Variants in EHF observed in about 807,000 individuals in gnomAD.
EHF encodes the protein ETS homologous factor, also known as ESE3 transcription factor.
A neutral mutation model predicts 45.1 loss-of-function variants in EHF; 14 were observed. The observed-to-expected ratio is 0.31, with a 90% CI of 0.21 to 0.49. The LOEUF is 0.49. Ranked by LOEUF, EHF falls within the 20% of genes least tolerant of loss-of-function variation. EHF has a pLI of 0.99. For synonymous variants in EHF, 136 were observed against 131.8 expected (o/e 1.03, Z -0.22); for missense variants, 282 against 371.4 (o/e 0.76, Z 1.98).
chr11:34,631,676 G>A (rs975824931), intron 1 of EHF: 2 of 622,410 alleles, frequency 3.2e-6, no homozygotes, highest in Non-Finnish European at 4.0e-6. Context: ...TGTGGTCCGG[G>A]AACCAGGGGT....
chr11:34,654,441 G>A (rs531603786), intron 6 of EHF, among the ~76,000 whole-genome samples: 227 of 152,312 alleles, frequency 1.5e-3, no homozygotes, highest in Admixed American at 6.9e-3. Context: ...GTGATTCCAC[G>A]GCTTACCCCT....
chr11:34,625,375 T>C (rs1296134396), intron 1 of EHF, among the ~76,000 whole-genome samples: 1 of 152,208 alleles, frequency 6.6e-6, no homozygotes, highest in African/African-American at 2.4e-5. Flanking sequence ...TACTGGTGTC[T>C]TCTATAAAAC....
chr11:34,655,289 C>T (rs972646062), intron 6 of EHF, among the ~76,000 whole-genome samples: 7 of 152,170 alleles, frequency 4.6e-5, no homozygotes, highest in African/African-American at 1.7e-4. Flanking sequence ...TTGCTGGGAA[C>T]ACTGAGTCTT....
In EHF at chr11:34,663,131, T is replaced by C. The variant is rs1856186444; in HGVS notation, c.*4200T>C. ...TGTGGAAACAACTCTATTGCTACTA[T>C]TTAAAAAAAATCAGAAATCTTTCCC... is the stretch of plus-strand genomic sequence containing the variant. On this transcript the variant is annotated 3_prime_UTR_variant, in exon 9 of 9. Transcript: ENST00000257831. 6.6e-6 allele frequency among the ~76,000 whole-genome samples: 1 copy of C among 152,150 alleles called. No individual in the cohort carries two copies. Among genetic ancestry groups the C allele is most frequent in the South Asian group, 2.1e-4 (1 of 4,832 alleles).
intron 1 of EHF, among the ~76,000 whole-genome samples, chr11:34,626,703 A>G (rs545393416): frequency 1.3e-5 from 2 of 152,288 alleles, no homozygotes; most frequent in East Asian, 3.9e-4. Context: ...GGGTCAAGGA[A>G]TGTTGATGGA....
intron 1 of EHF, among the ~76,000 whole-genome samples, chr11:34,631,189 G>A (rs1479410220): frequency 6.6e-6 from 1 of 152,056 alleles, no homozygotes; most frequent in African/African-American, 2.4e-5. Context: ...ATGCCACCAT[G>A]CCTGGCTAAT....
chr11:34,651,615 C>G lies in EHF; in HGVS notation c.475+5C>G, dbSNP rs760744435. On this transcript the variant is annotated splice_donor_5th_base_variant and intron_variant, in intron 5 of 8. Coordinates refer to ENST00000257831, the MANE Select transcript of EHF (RefSeq NM_012153.6). ...CCAACTATGGTAGCACAGTAGGTAACTAACTCCCTGACACTTAAGGCCCTT... is the reference window on the plus strand; with the variant it reads ...CCAACTATGGTAGCACAGTAGGTAAGTAACTCCCTGACACTTAAGGCCCTT... The G allele has an allele frequency of 6.2e-7, 1 of 1,613,276 alleles. No homozygotes were observed. Among genetic ancestry groups the G allele is most frequent in the Non-Finnish European group, 8.5e-7 (1 of 1,179,250 alleles).
intron 3 of EHF, among the ~76,000 whole-genome samples, chr11:34,648,561 G>T (rs1284592129): frequency 6.6e-6 from 1 of 152,094 alleles, no homozygotes; most frequent in African/African-American, 2.4e-5. Context: ...GAAGAATCAA[G>T]CTAGTTAAAA....
At chr11:34,657,017 C>G (rs780356357) in intron 7 of EHF, 47 bp downstream of exon 7, 8 of 1,607,234 alleles carry the variant, frequency 5.0e-6, no homozygotes, top group Non-Finnish European at 6.8e-6. Context: ...CCCATCACAT[C>G]GGGCACATCT....
Position 34,649,006 on chromosome 11 carries a change from C to A in EHF, c.344-13C>A, listed in dbSNP as rs376867946. ...CTGGGCCCTCTCTGACTATCCCAATCTGTCCTTCACAGGCCAGTGCAGTAG... is the reference window on the plus strand; with the variant it reads ...CTGGGCCCTCTCTGACTATCCCAATATGTCCTTCACAGGCCAGTGCAGTAG... On this transcript the variant is annotated splice_polypyrimidine_tract_variant and intron_variant, in intron 3 of 8. Coordinates refer to ENST00000257831, the MANE Select transcript of EHF (RefSeq NM_012153.6). 5 of 1,612,246 alleles carry A rather than the reference C, an allele frequency of 3.1e-6. No individual in the cohort carries two copies. The African/African-American group carries it at 4.0e-5, about 13-fold the overall frequency.
chr11:34,648,154 A>T (rs1316189466), intron 3 of EHF, among the ~76,000 whole-genome samples: 1 of 152,098 alleles, frequency 6.6e-6, no homozygotes, highest in African/African-American at 2.4e-5. Context: ...ACTAACATTT[A>T]TTGAGTATTT....
In EHF at chr11:34,646,568, A is replaced by T; in HGVS notation, c.227A>T (p.Gln76Leu). The change falls in exon 3 of 9, where the codon CAA becomes CTA. Residue 76 changes from glutamine (Q) to leucine (L), a missense_variant. By Grantham distance (113) the Gln-to-Leu change is moderately radical. This residue lies in a region of EHF where 213 missense variants were observed against 247.3 expected (regional missense o/e 0.86). Coordinates refer to ENST00000257831, the MANE Select transcript of EHF (RefSeq NM_012153.6). ...NQLDANCIPF[Q>L]EFDINGEHLC... ...CTGGATGCCAATTGTATCCCTTTCC[A>T]AGAGTTCGACATCAACGGCGAGCAC... is the stretch of plus-strand genomic sequence containing the variant. 6.2e-7 allele frequency: 1 copy of T among 1,613,696 alleles called. No homozygotes were observed.
At chr11:34,621,954 C>A (rs1182003564) in intron 1 of EHF, 1 of 152,122 alleles carries the variant, frequency 6.6e-6, no homozygotes, top group African/African-American at 2.4e-5. Flanking sequence ...GAAAATACAA[C>A]AATCAGTTTT....
intron 1 of EHF, among the ~76,000 whole-genome samples, chr11:34,638,232 G>A (rs904783423): frequency 3.9e-5 from 6 of 152,186 alleles, no homozygotes; most frequent in Middle Eastern, 3.2e-3. Context: ...GAAATAAGAG[G>A]TATAGTTTTT....
intron 1 of EHF, among the ~76,000 whole-genome samples, chr11:34,625,659 C>T (rs893311345): frequency 6.6e-6 from 1 of 152,178 alleles, no homozygotes; most frequent in Non-Finnish European, 1.5e-5. Context: ...TTTAAAGAGG[C>T]TCCTAGGGTT....
chr11:34,637,029 CAA>C (rs34992133), intron 1 of EHF, among the ~76,000 whole-genome samples: 112 of 86,868 alleles, frequency 1.3e-3, no homozygotes, highest in Admixed American at 1.9e-3. Context: ...AACTTCATCT[CAA>C]AAAAAAAAAA....
chr11:34,625,914 C>T (rs190690408), intron 1 of EHF, among the ~76,000 whole-genome samples: 71 of 152,024 alleles, frequency 4.7e-4, no homozygotes, highest in African/African-American at 1.7e-3. Flanking sequence ...ACTAGGGGTA[C>T]TTGCCTACTT....
At chr11:34,636,107 CCTT>C (rs1279833479) in intron 1 of EHF, among the ~76,000 whole-genome samples, 13 of 152,240 alleles carry the variant, frequency 8.5e-5, no homozygotes, top group African/African-American at 3.1e-4. Flanking sequence ...TCAATTTCCT[CCTT>C]GAGAGTTCAA....
intron 4 of EHF, 59 bp downstream of exon 4, chr11:34,649,140 T>C (rs1409255303): frequency 1.3e-6 from 2 of 1,578,054 alleles, no homozygotes; most frequent in African/African-American, 1.3e-5. Context: ...GGGAGGACAG[T>C]TGGGAGAGGG....
Sources: allele counts gnomAD v4.1 joint callset (sites outside exome capture counted in the v4.1 genomes callset), GRCh38; gene constraint gnomAD v4.1.1; regional missense constraint gnomAD v4.1.1; transcripts MANE v1.5; gene names NCBI Gene and HGNC (gene_info 2026-07-23, HGNC 2026-07-21).